SLF2: variants seen among roughly 807,000 people sequenced by gnomAD.
The protein encoded by SLF2 is SMC5-SMC6 complex localization factor protein 2.
Under a neutral mutation model 124.3 loss-of-function variants are expected in SLF2, and 68 were observed. The ratio of observed to expected loss-of-function variants is 0.55; its 90% CI spans 0.45 to 0.67. SLF2 has a LOEUF of 0.67. Ranked by LOEUF, SLF2 falls within the 30% of genes least tolerant of loss-of-function variation. The probability of loss-of-function intolerance (pLI) is 0.00; values close to 1 mark genes in which losing one functional copy is unlikely to be tolerated. For synonymous variants in SLF2, 480 were observed against 478.8 expected, an observed-to-expected ratio of 1.00 and a Z score of -0.03; for missense variants, 1,246 against 1,373.7, an observed-to-expected ratio of 0.91 and a Z score of 1.47.
intron 9 of SLF2, among the ~76,000 whole-genome samples, chr10:100,934,281 A>G (rs1426310341): frequency 6.6e-6 from 1 of 152,242 alleles, no homozygotes; most frequent in African/African-American, 2.4e-5. Context: ...TTGTTAGGCT[A>G]TACCATGATT....
chr10:100,945,500 C>T lies in SLF2; in HGVS notation c.2928C>T (p.Asn976=). ...TGATGAAAAACATCAGAGATTGGAA[C>T]ACAAAGGTAATGTTACTTAAAACTT... The part of the protein sequence containing the change: ...INLMKNIRDW[N]TKVPELCLGI... Residue 976 remains asparagine, a synonymous_variant, in exon 13 of 20, where the codon AAC becomes AAT. Coordinates refer to ENST00000238961, the MANE Select transcript of SLF2 (RefSeq NM_018121.4). 1 of 1,552,516 alleles carries T rather than the reference C, an allele frequency of 6.4e-7. No homozygotes were observed. The highest frequency in any genetic ancestry group is 8.6e-7 in the Non-Finnish European group (1 of 1,161,416).
intron 19 of SLF2, among the ~76,000 whole-genome samples, chr10:100,961,553 CTGATG>C (rs1416104670): frequency 1.3e-5 from 2 of 152,044 alleles, no homozygotes; most frequent in Non-Finnish European, 2.9e-5. Context: ...TGGTCATGTA[CTGATG>C]TGGTATTAAA....
intron 6 of SLF2, among the ~76,000 whole-genome samples, chr10:100,928,566 C>T (rs1849662315): frequency 6.6e-6 from 1 of 152,158 alleles, no homozygotes; most frequent in Non-Finnish European, 1.5e-5. Flanking sequence ...CTCAGCTGTA[C>T]TTATCCACTG....
chr10:100,929,088 C>T (rs1849675919), intron 6 of SLF2, among the ~76,000 whole-genome samples: 1 of 152,138 alleles, frequency 6.6e-6, no homozygotes, highest in Non-Finnish European at 1.5e-5. Context: ...TATTCTAATG[C>T]CACACTGGTA....
chr10:100,955,343 A>G (rs1850310351), intron 17 of SLF2, among the ~76,000 whole-genome samples: 1 of 152,160 alleles, frequency 6.6e-6, no homozygotes, highest in African/African-American at 2.4e-5. Flanking sequence ...TAATCATGTC[A>G]TATTGAAAAC....
chr10:100,946,280 T>A (rs1032953537), intron 13 of SLF2, among the ~76,000 whole-genome samples: 1 of 151,866 alleles, frequency 6.6e-6, no homozygotes, highest in African/African-American at 2.4e-5. Flanking sequence ...TACGCTTTTT[T>A]AAAAATTGAT....
intron 9 of SLF2, among the ~76,000 whole-genome samples, chr10:100,932,150 G>T (rs1017541498): frequency 1.3e-5 from 2 of 152,126 alleles, no homozygotes; most frequent in Admixed American, 1.3e-4. Context: ...ATTCTTCGCA[G>T]TGGCTCATGC....
intron 4 of SLF2, among the ~76,000 whole-genome samples, chr10:100,919,001 CTT>C (rs528512219): frequency 9.5e-6 from 1 of 105,710 alleles, no homozygotes; most frequent in African/African-American, 4.3e-5. Flanking sequence ...GAAACATAAT[CTT>C]TTTTTTTTTT....
Position 100,923,828 on chromosome 10 carries a change from CT to C in SLF2, c.974-142del, listed in dbSNP as rs576134915. On this transcript the variant is annotated intron_variant, in intron 4 of 19. Transcript: ENST00000238961. Reference sequence around the variant, plus strand: ...GTATTTATCCAGTTGATAAGTAACTCTTTTTCTGCATTCCATATATGGTGAC... The same window carrying C: ...GTATTTATCCAGTTGATAAGTAACTCTTTTCTGCATTCCATATATGGTGAC... The C allele has an allele frequency of 1.2e-3, 665 of 535,086 alleles. 6 individuals carry two copies. The highest frequency in any genetic ancestry group is 0.011 in the African/African-American group (579 of 51,206). The allele number at this position is 535,086 out of a possible 1,614,324, so 33.1% of individuals were successfully genotyped here.
chr10:100,952,317 G>A lies in SLF2; in HGVS notation c.3330+1564G>A, dbSNP rs184801207. On this transcript the variant is annotated intron_variant, in intron 17 of 19. Transcript: ENST00000238961. ...AGCACTTTGGGAGGCCAAGGCGGGC[G>A]GATCACTTGAGGTCAGAAGTTCGAG... Among the ~76,000 whole-genome samples the A allele has an allele frequency of 2.4e-4, 37 of 151,684 alleles. No individual in the cohort carries two copies. The East Asian group carries it at 6.2e-3, about 25-fold the overall frequency.
intron 17 of SLF2, among the ~76,000 whole-genome samples, chr10:100,955,117 T>C (rs1171601888): frequency 1.3e-5 from 2 of 151,976 alleles, no homozygotes; most frequent in African/African-American, 4.8e-5. Context: ...TTTTTTTGTA[T>C]TTTTAGTAGA....
intron 9 of SLF2, among the ~76,000 whole-genome samples, chr10:100,934,533 T>A (rs544541355): frequency 5.8e-4 from 88 of 152,256 alleles, no homozygotes; most frequent in African/African-American, 2.1e-3. Context: ...GTGTTCAAAA[T>A]GACACAAGCC....
At position 100,963,665 on chromosome 10, in the gene SLF2, C is replaced by CAT. The variant is rs1850464063; in HGVS notation, c.*1754_*1755dup. The CAT allele has an allele frequency of 6.6e-6, 1 of 152,472 alleles. No individual in the cohort carries two copies. The highest frequency in any genetic ancestry group is 1.5e-5 in the Non-Finnish European group (1 of 68,012). The allele number at this position is 152,472 out of a possible 1,614,324, so 9.4% of individuals were successfully genotyped here. A position where few individuals can be genotyped will look rare whatever the true frequency, so the allele number is the denominator to read the frequency against. Reference sequence around the variant, plus strand: ...ACGTGTTCATATTTTTCTCATTTTGCATTGTGTAAAGTGTACAAAATCTCA... The same window carrying CAT: ...ACGTGTTCATATTTTTCTCATTTTGCATATTGTGTAAAGTGTACAAAATCTCA... On this transcript the variant is annotated 3_prime_UTR_variant, in exon 20 of 20. Transcript: ENST00000238961.
chr10:100,923,036 A>T (rs1382888425), intron 4 of SLF2, among the ~76,000 whole-genome samples: 1 of 152,150 alleles, frequency 6.6e-6, no homozygotes, highest in East Asian at 1.9e-4. Context: ...CCGGCCTCCC[A>T]AAATGCTGGG....
intron 16 of SLF2, 27 bp from the exon 17 acceptor site, chr10:100,950,649 T>G: frequency 1.5e-5 from 24 of 1,560,726 alleles, no homozygotes; most frequent in Non-Finnish European, 1.9e-5. Flanking sequence ...AATTCATAGG[T>G]GTTAATTTTA....
chr10:100,924,990 G>GTTTATCTTTAC lies in SLF2; in HGVS notation c.1971+21_1971+31dup. ...ACTATACAGTAAGTAGTTCTGTGAC[G>GTTTATCTTTAC]TTTATCTTTACTTGAAGAGGGAAAG... On this transcript the variant is annotated intron_variant, in intron 5 of 19. Transcript: ENST00000238961. 6.3e-7 allele frequency: 1 copy of GTTTATCTTTAC among 1,576,358 alleles called. No homozygotes were observed. The highest frequency in any genetic ancestry group is 8.6e-7 in the Non-Finnish European group (1 of 1,163,278).
chr10:100,937,351 G>A (rs1182134857), intron 9 of SLF2, 51 bp from the exon 10 acceptor site: 1 of 1,390,710 alleles, frequency 7.2e-7, no homozygotes, highest in Non-Finnish European at 1.0e-6. Context: ...AATAATGAAT[G>A]TTTGTGTTTT....
chr10:100,921,767 A>G (rs1483984511), intron 4 of SLF2, among the ~76,000 whole-genome samples: 2 of 152,194 alleles, frequency 1.3e-5, no homozygotes, highest in African/African-American at 2.4e-5. Flanking sequence ...ACAAAACTCA[A>G]ACTGGCAGCT....
intron 6 of SLF2, chr10:100,926,702 C>G (rs543334590): frequency 6.6e-6 from 1 of 150,982 alleles, no homozygotes; most frequent in Non-Finnish European, 1.5e-5. Context: ...GTCAGGAGAT[C>G]GAGACCATGC....
Sources: allele counts gnomAD v4.1 joint callset (sites outside exome capture counted in the v4.1 genomes callset), GRCh38; gene constraint gnomAD v4.1.1; transcripts MANE v1.5; gene names NCBI Gene and HGNC (gene_info 2026-07-23, HGNC 2026-07-21).